Variants in CREB3L1 observed in about 807,000 individuals in gnomAD.
CREB3L1 encodes cAMP responsive element binding protein 3 like 1, also known as cyclic AMP-responsive element-binding protein 3-like protein 1.
Under a neutral mutation model 54.5 loss-of-function variants are expected in CREB3L1, and 33 were observed. The ratio of observed to expected loss-of-function variants is 0.61; its 90% CI spans 0.46 to 0.81. The LOEUF is 0.81. Among genes scored for constraint, CREB3L1 ranks in the 30% least tolerant of loss-of-function variants. The pLI, the probability that CREB3L1 is intolerant of heterozygous loss-of-function variation, is 0.00. For missense variants in CREB3L1, 656 were observed against 673.3 expected, an observed-to-expected ratio of 0.97 and a Z score of 0.29; for synonymous variants, 284 against 286.4, an observed-to-expected ratio of 0.99 and a Z score of 0.08.
intron 1 of CREB3L1, among the ~76,000 whole-genome samples, chr11:46,282,821 A>G (rs1458605238): frequency 6.6e-6 from 1 of 152,250 alleles, no homozygotes; most frequent in African/African-American, 2.4e-5. Context: ...AACCTAGCAC[A>G]GTCACATGGG....
chr11:46,314,584 C>T (rs1485085341), intron 8 of CREB3L1, among the ~76,000 whole-genome samples: 1 of 152,100 alleles, frequency 6.6e-6, no homozygotes, highest in Non-Finnish European at 1.5e-5. Context: ...CTGTGTTGCC[C>T]AGGCTGGTCT....
intron 1 of CREB3L1, among the ~76,000 whole-genome samples, chr11:46,284,913 G>T (rs901220476): frequency 1.1e-4 from 17 of 152,108 alleles, no homozygotes; most frequent in East Asian, 3.9e-4. Context: ...CATCCTTAGG[G>T]CACCTTGGAT....
At chr11:46,289,569 C>T (rs2136338282) in intron 1 of CREB3L1, among the ~76,000 whole-genome samples, 1 of 152,222 alleles carries the variant, frequency 6.6e-6, no homozygotes, top group African/African-American at 2.4e-5. Flanking sequence ...GGGAAGGCTT[C>T]TTGGAGGAAG....
intron 1 of CREB3L1, among the ~76,000 whole-genome samples, chr11:46,280,389 A>T (rs1274023828): frequency 6.6e-6 from 1 of 151,544 alleles, no homozygotes; most frequent in Non-Finnish European, 1.5e-5. Flanking sequence ...ACGGGGTTTC[A>T]CCGTGTTAGC....
intron 5 of CREB3L1, 90 bp from the exon 6 acceptor site, chr11:46,312,235 T>C: frequency 8.8e-7 from 1 of 1,141,076 alleles, no homozygotes; most frequent in Non-Finnish European, 1.2e-6. Flanking sequence ...ATTGTGTGCC[T>C]TGCCCAGGTC....
chr11:46,286,768 G>A (rs1336296133), intron 1 of CREB3L1, among the ~76,000 whole-genome samples: 2 of 151,786 alleles, frequency 1.3e-5, no homozygotes, highest in Non-Finnish European at 2.9e-5. Context: ...CTGGGCAACA[G>A]AACAAGACTC....
intron 2 of CREB3L1, among the ~76,000 whole-genome samples, chr11:46,306,550 G>A (rs936395509): frequency 3.3e-5 from 5 of 151,196 alleles, no homozygotes; most frequent in Non-Finnish European, 7.4e-5. Flanking sequence ...CTCTTCAGCG[G>A]CTCCCCATTT....
At chr11:46,283,619 C>T (rs950660345) in intron 1 of CREB3L1, among the ~76,000 whole-genome samples, 1 of 152,096 alleles carries the variant, frequency 6.6e-6, no homozygotes, top group African/African-American at 2.4e-5. Context: ...GTGGCTCACA[C>T]CTGTAATTCC....
At position 46,301,004 on chromosome 11, in the gene CREB3L1, CAAAA is replaced by C. The variant is rs57840608; in HGVS notation, c.331+860_331+863del. Among the ~76,000 whole-genome samples, 6 of 37,664 alleles carry C rather than the reference CAAAA, an allele frequency of 1.6e-4. 1 individual carries two copies. Among genetic ancestry groups the C allele is most frequent in the Admixed American group, 1.1e-3 (3 of 2,802 alleles). The allele number at this position is 37,664 out of a possible 152,430, so 24.7% of individuals were successfully genotyped here. On this transcript the variant is annotated intron_variant, in intron 2 of 11. Coordinates refer to ENST00000621158, the MANE Select transcript of CREB3L1 (RefSeq NM_052854.4). ...TGGGCGACAGAGCGAGACTCCATCT[CAAAA>C]AAAAAAAAAAAAAAAAAACCAACTA...
chr11:46,320,237 A>G (rs753308403), intron 10 of CREB3L1, 27 bp from the exon 11 acceptor site: 2 of 1,552,650 alleles, frequency 1.3e-6, no homozygotes, highest in Non-Finnish European at 1.7e-6. Context: ...TCTTGGGCAC[A>G]CCGCTCATCC....
chr11:46,286,422 T>C (rs1939055335), intron 1 of CREB3L1, among the ~76,000 whole-genome samples: 1 of 152,208 alleles, frequency 6.6e-6, no homozygotes, highest in African/African-American at 2.4e-5. Context: ...TGATATCTTG[T>C]GCACTGGTAG....
chr11:46,305,583 T>TAC (rs553732811), intron 2 of CREB3L1, among the ~76,000 whole-genome samples: 93 of 149,150 alleles, frequency 6.2e-4, no homozygotes, highest in African/African-American at 2.3e-3. Flanking sequence ...TATATATATA[T>TAC]ATGTATATAT....
At chr11:46,307,284 T>A (rs761476789) in intron 2 of CREB3L1, among the ~76,000 whole-genome samples, 13 of 152,132 alleles carry the variant, frequency 8.5e-5, no homozygotes, top group Non-Finnish European at 1.5e-4. Flanking sequence ...GAGATGGGAT[T>A]TCGCCATGTT....
chr11:46,320,180 G>T, intron 10 of CREB3L1, 84 bp from the exon 11 acceptor site: 1 of 1,420,842 alleles, frequency 7.0e-7, no homozygotes, highest in South Asian at 1.5e-5. Flanking sequence ...TCCAGGGCCT[G>T]CGTCCTTAAC....
At chr11:46,309,654 C>A (rs1326440254) in intron 3 of CREB3L1, among the ~76,000 whole-genome samples, 2 of 152,200 alleles carry the variant, frequency 1.3e-5, no homozygotes, top group Non-Finnish European at 2.9e-5. Flanking sequence ...CAGACATTAC[C>A]TCTTGTTTTA....
At position 46,304,914 on chromosome 11, in the gene CREB3L1, G is replaced by A. The variant is rs189910540; in HGVS notation, c.332-2902G>A. Reference sequence around the variant, plus strand: ...GGCCCTTTGCAGGGGGCAGCTTCCCGGAGGCCGGTGGCCAGGCCCTGTAAT... The same window carrying A: ...GGCCCTTTGCAGGGGGCAGCTTCCCAGAGGCCGGTGGCCAGGCCCTGTAAT... On this transcript the variant is annotated intron_variant, in intron 2 of 11. Coordinates refer to ENST00000621158, the MANE Select transcript of CREB3L1 (RefSeq NM_052854.4). Among the ~76,000 whole-genome samples, 330 of 152,282 alleles carry A rather than the reference G, an allele frequency of 2.2e-3. 1 individual carries two copies. Among genetic ancestry groups the A allele is most frequent in the African/African-American group, 7.5e-3 (312 of 41,560 alleles).
chr11:46,291,510 C>A (rs1460908491), intron 1 of CREB3L1, among the ~76,000 whole-genome samples: 1 of 152,172 alleles, frequency 6.6e-6, no homozygotes, highest in Non-Finnish European at 1.5e-5. Context: ...CGTCTGACTC[C>A]CTTGCTTATA....
chr11:46,309,687 A>G (rs182721354), intron 3 of CREB3L1, among the ~76,000 whole-genome samples: 6 of 152,300 alleles, frequency 3.9e-5, no homozygotes, highest in Admixed American at 3.9e-4. Context: ...CCCACATACC[A>G]AAGCCTGTGT....
In CREB3L1 at chr11:46,320,363, T is replaced by C; in HGVS notation, c.1358T>C (p.Ile453Thr). 1 of 1,611,320 alleles carries C rather than the reference T, an allele frequency of 6.2e-7. No homozygotes were observed. Residue 453 changes from isoleucine to threonine, a missense_variant, in exon 11 of 12, where the codon ATC becomes ACC. By Grantham distance (89) the Ile-to-Thr change is moderately conservative. Around this residue, in one of 3 missense-constraint regions of CREB3L1, gnomAD observed 240 missense variants for 219.8 expected, o/e 1.09. Transcript: ENST00000621158. Reference sequence around the variant, plus strand: ...ATGGAGCCCCCAGATGGCTGGGAAATCAACCCCGGGGGGCCGGCAGAGCAG... The same window carrying C: ...ATGGAGCCCCCAGATGGCTGGGAAACCAACCCCGGGGGGCCGGCAGAGCAG... Reference protein sequence around the residue: ...LPMEPPDGWEINPGGPAEQRP... With the variant: ...LPMEPPDGWETNPGGPAEQRP...
Sources: gnomAD v4.1 joint callset for allele counts (sites outside exome capture counted in the v4.1 genomes callset) on GRCh38, gnomAD v4.1.1 for gene constraint, gnomAD v4.1.1 regional missense constraint, MANE v1.5 for transcripts, NCBI Gene and HGNC (gene_info 2026-07-23, HGNC 2026-07-21) for gene names.